RBFOX3: variants seen among roughly 807,000 people sequenced by gnomAD.
The protein encoded by RBFOX3 is RNA binding fox-1 homolog 3, also known as RNA binding protein fox-1 homolog 3.
A neutral mutation model predicts 48.7 loss-of-function variants in RBFOX3; 17 were observed. That is an observed-to-expected ratio of 0.35 (90% CI 0.24 to 0.52). The LOEUF is 0.52. Ranked by LOEUF, RBFOX3 falls within the 20% of genes least tolerant of loss-of-function variation. RBFOX3 has a pLI of 0.94. For synonymous variants in RBFOX3, 212 were observed against 209.5 expected, an observed-to-expected ratio of 1.01 and a Z score of -0.10; for missense variants, 382 against 497.5, an observed-to-expected ratio of 0.77 and a Z score of 2.21.
At chr17:79,393,706 C>T (rs2061631286) in intron 2 of RBFOX3, among the ~76,000 whole-genome samples, 1 of 151,206 alleles carries the variant, frequency 6.6e-6, no homozygotes, top group South Asian at 2.1e-4. Flanking sequence ...TCATCACGCA[C>T]ATCTGAGCCG....
chr17:79,228,123 G>A (rs2060543916), intron 4 of RBFOX3, among the ~76,000 whole-genome samples: 1 of 152,190 alleles, frequency 6.6e-6, no homozygotes, highest in Admixed American at 6.5e-5. Flanking sequence ...CTTCTAAGCT[G>A]CTTACAGGTC....
At chr17:79,601,767 T>C (rs1263231598) in intron 1 of RBFOX3, 6 of 152,222 alleles carry the variant, frequency 3.9e-5, no homozygotes, top group African/African-American at 1.4e-4. Flanking sequence ...AGCATGTAGA[T>C]ACTGATACTG....
At chr17:79,225,452 G>A (rs117962833) in intron 4 of RBFOX3, among the ~76,000 whole-genome samples, 12,786 of 152,016 alleles carry the variant, frequency 0.084, 706 homozygotes, top group African/African-American at 0.16. Flanking sequence ...CAACACACCT[G>A]GCTAATTTTA....
chr17:79,110,044 G>T (rs754191602), intron 5 of RBFOX3, among the ~76,000 whole-genome samples: 4 of 151,992 alleles, frequency 2.6e-5, no homozygotes, highest in Non-Finnish European at 5.9e-5. Context: ...CCAGGCCGGG[G>T]GATGGGGGCC....
intron 4 of RBFOX3, among the ~76,000 whole-genome samples, chr17:79,229,558 CA>C (rs11435725): frequency 0.16 from 8,026 of 50,450 alleles, 136 homozygotes; most frequent in African/African-American, 0.26. Flanking sequence ...GACTCCATCT[CA>C]AAAAAAAAAA....
At chr17:79,503,680 C>T (rs2082673281) in intron 1 of RBFOX3, among the ~76,000 whole-genome samples, 1 of 152,192 alleles carries the variant, frequency 6.6e-6, no homozygotes, top group African/African-American at 2.4e-5. Context: ...TGTCCTGCAG[C>T]CCCACAACCA....
chr17:79,302,791 C>T lies in RBFOX3; in HGVS notation c.-74+4933G>A, dbSNP rs1017633897. ...TTTTGGTTGGTAGTAGTTGGGATGCCTTTTAAAACAAAATAATATTTAAAT... is the reference window on the plus strand; with the variant it reads ...TTTTGGTTGGTAGTAGTTGGGATGCTTTTTAAAACAAAATAATATTTAAAT... On this transcript the variant is annotated intron_variant, in intron 3 of 14. Transcript: ENST00000693108. 2.6e-5 allele frequency among the ~76,000 whole-genome samples: 4 copies of T among 152,140 alleles called. No homozygotes were observed. The East Asian group carries it at 7.7e-4, about 29-fold the overall frequency.
chr17:79,186,599 C>T (rs2053457049), intron 4 of RBFOX3, among the ~76,000 whole-genome samples: 1 of 152,174 alleles, frequency 6.6e-6, no homozygotes, highest in Non-Finnish European at 1.5e-5. Flanking sequence ...CTCCTGGTGG[C>T]TGTGCTGCCC....
intron 3 of RBFOX3, among the ~76,000 whole-genome samples, chr17:79,244,206 G>A (rs752552485): frequency 3.3e-5 from 5 of 152,218 alleles, no homozygotes; most frequent in African/African-American, 4.8e-5. Context: ...CAGTTGAGGA[G>A]AGGACACAGA....
At chr17:79,389,693 G>C (rs1000278059) in intron 2 of RBFOX3, among the ~76,000 whole-genome samples, 3 of 152,226 alleles carry the variant, frequency 2.0e-5, no homozygotes, top group African/African-American at 7.2e-5. Flanking sequence ...CAGACGACAT[G>C]CCTTTCTTGT....
chr17:79,463,524 T>A, intron 2 of RBFOX3, among the ~76,000 whole-genome samples: 1 of 26,306 alleles, frequency 3.8e-5, no homozygotes, highest in Non-Finnish European at 7.5e-5. Flanking sequence ...ACCTCCACCA[T>A]CGCCACTGCC....
At chr17:79,217,638 T>C (rs1395627929) in intron 4 of RBFOX3, among the ~76,000 whole-genome samples, 1 of 152,008 alleles carries the variant, frequency 6.6e-6, no homozygotes, top group Non-Finnish European at 1.5e-5. Flanking sequence ...GGCATCTGGC[T>C]GTGGGGTGCT....
intron 5 of RBFOX3, among the ~76,000 whole-genome samples, chr17:79,112,632 C>T (rs1250410145): frequency 2.0e-5 from 3 of 152,048 alleles, no homozygotes; most frequent in Admixed American, 6.5e-5. Context: ...TGTGGGCCCC[C>T]GGGCCTGGAC....
intron 2 of RBFOX3, among the ~76,000 whole-genome samples, chr17:79,412,485 G>A (rs1033322405): frequency 4.0e-5 from 6 of 151,774 alleles, no homozygotes; most frequent in African/African-American, 1.5e-4. Context: ...ATGCACATAT[G>A]TATACATGTA....
intron 4 of RBFOX3, among the ~76,000 whole-genome samples, chr17:79,207,039 G>T (rs756480044): frequency 6.6e-6 from 1 of 152,134 alleles, no homozygotes; most frequent in Non-Finnish European, 1.5e-5. Context: ...AGACAGACAA[G>T]ATTTGAAATC....
At chr17:79,400,975 C>T (rs1252297960) in intron 2 of RBFOX3, among the ~76,000 whole-genome samples, 1 of 152,212 alleles carries the variant, frequency 6.6e-6, no homozygotes, top group South Asian at 2.1e-4. Context: ...GATCCTCCTC[C>T]GAACAAAAAC....
At chr17:79,531,245 T>A (rs1241039895) in intron 1 of RBFOX3, among the ~76,000 whole-genome samples, 6 of 152,176 alleles carry the variant, frequency 3.9e-5, no homozygotes, top group African/African-American at 1.4e-4. Flanking sequence ...GGTCTCCTGC[T>A]GCCGGCCCAG....
intron 2 of RBFOX3, among the ~76,000 whole-genome samples, chr17:79,354,610 T>C (rs1336955668): frequency 1.3e-5 from 2 of 152,250 alleles, no homozygotes; most frequent in South Asian, 4.1e-4. Flanking sequence ...AGTAGGAAGA[T>C]GACAGGGACT....
At chr17:79,449,018 C>T (rs559596516) in intron 2 of RBFOX3, among the ~76,000 whole-genome samples, 3 of 152,176 alleles carry the variant, frequency 2.0e-5, no homozygotes, top group Non-Finnish European at 2.9e-5. Flanking sequence ...CTGCCTGCCT[C>T]GGCCACTGGG....
Sources: allele counts gnomAD v4.1 joint callset (sites outside exome capture counted in the v4.1 genomes callset), GRCh38; gene constraint gnomAD v4.1.1; transcripts MANE v1.5; gene names NCBI Gene and HGNC (gene_info 2026-07-23, HGNC 2026-07-21).